Variants in SYTL3 observed in about 807,000 individuals in gnomAD.
The protein encoded by SYTL3 is synaptotagmin like 3.
In SYTL3, 88 loss-of-function variants were observed where a neutral mutation model predicts 82.1. The observed-to-expected ratio is 1.07, with a 90% CI of 0.90 to 1.28. The LOEUF (loss-of-function observed/expected upper bound fraction) is 1.28, where lower values mean the gene tolerates loss of function less well. SYTL3 is among the 50% of genes most tolerant of loss of function. The pLI, the probability that SYTL3 is intolerant of heterozygous loss-of-function variation, is 0.00. For missense variants in SYTL3, 831 were observed against 757.6 expected (o/e 1.10, Z -1.14); for synonymous variants, 311 against 289.4 (o/e 1.07, Z -0.76).
intron 15 of SYTL3, among the ~76,000 whole-genome samples, chr6:158,761,337 C>G (rs1261050547): frequency 2.2e-5 from 2 of 92,726 alleles, no homozygotes; most frequent in Non-Finnish European, 4.5e-5. Context: ...GAGTTTTGCT[C>G]TGTCACCCAG....
chr6:158,685,766 C>T (rs563403214), intron 6 of SYTL3, among the ~76,000 whole-genome samples: 102 of 152,176 alleles, frequency 6.7e-4, no homozygotes, highest in Middle Eastern at 6.8e-3. Flanking sequence ...TGCTGTGAGC[C>T]GAGATCATGC....
intron 6 of SYTL3, among the ~76,000 whole-genome samples, chr6:158,683,736 C>T (rs993714492): frequency 6.6e-6 from 1 of 152,200 alleles, no homozygotes. Context: ...GCCCATATTG[C>T]GCCAAAGCAC....
chr6:158,756,340 C>T (rs1583496168), intron 13 of SYTL3, among the ~76,000 whole-genome samples: 2 of 152,368 alleles, frequency 1.3e-5, no homozygotes, highest in Admixed American at 6.5e-5. Context: ...AGCACAGGCA[C>T]CGTCCCTCCA....
chr6:158,753,538 G>T (rs1006204420), intron 13 of SYTL3, among the ~76,000 whole-genome samples: 5 of 151,694 alleles, frequency 3.3e-5, no homozygotes, highest in African/African-American at 1.2e-4. Flanking sequence ...AGACCATCCT[G>T]GCTAACATGG....
intron 5 of SYTL3, among the ~76,000 whole-genome samples, chr6:158,670,335 T>C (rs1777224260): frequency 6.6e-6 from 1 of 152,260 alleles, no homozygotes; most frequent in Non-Finnish European, 1.5e-5. Flanking sequence ...CTGCTAACTC[T>C]GTAAAAGATT....
intron 6 of SYTL3, among the ~76,000 whole-genome samples, chr6:158,703,153 T>TAA (rs71297001): frequency 7.8e-4 from 74 of 94,882 alleles, no homozygotes; most frequent in African/African-American, 2.4e-3. Context: ...GACTCTGTCT[T>TAA]AAAAAAAAAA....
chr6:158,764,134 C>T (rs1432966043), intron 17 of SYTL3, among the ~76,000 whole-genome samples: 3 of 152,226 alleles, frequency 2.0e-5, no homozygotes, highest in African/African-American at 7.2e-5. Flanking sequence ...GAATCCCTTC[C>T]CATGGGCAAG....
chr6:158,650,749 C>A lies in SYTL3; in HGVS notation c.-727+671C>A, dbSNP rs768547919. Among the ~76,000 whole-genome samples the A allele has an allele frequency of 2.0e-3, 295 of 151,208 alleles. 1 individual carries two copies. Among genetic ancestry groups the A allele is most frequent in the Non-Finnish European group, 2.1e-3 (143 of 67,790 alleles). On this transcript the variant is annotated intron_variant, in intron 1 of 17. Transcript: ENST00000611299. ...CTTGAGATCAGGAATTTGAGACCAG[C>A]CTGGCCAACATGATGAAACCCCATC...
chr6:158,707,440 A>G (rs1359147214), intron 7 of SYTL3, among the ~76,000 whole-genome samples, 159 bp downstream of exon 7: 1 of 151,814 alleles, frequency 6.6e-6, no homozygotes, highest in Non-Finnish European at 1.5e-5. Flanking sequence ...CCTGAAAAAG[A>G]TTAAAGCAGA....
intron 11 of SYTL3, among the ~76,000 whole-genome samples, chr6:158,743,559 C>T (rs1234662615): frequency 6.9e-6 from 1 of 145,180 alleles, no homozygotes; most frequent in Admixed American, 6.9e-5. Flanking sequence ...ATCTTCACTT[C>T]TCATACCTCA....
At chr6:158,665,199 C>T (rs1272827442) in intron 4 of SYTL3, among the ~76,000 whole-genome samples, 196 bp from the exon 5 acceptor site, 9 of 152,146 alleles carry the variant, frequency 5.9e-5, no homozygotes, top group Admixed American at 3.9e-4. Flanking sequence ...ACCTGTTTCA[C>T]GGTTGAAAAA....
chr6:158,722,932 A>G (rs1462215804), intron 10 of SYTL3, among the ~76,000 whole-genome samples: 2 of 147,012 alleles, frequency 1.4e-5, no homozygotes, highest in Non-Finnish European at 3.0e-5. Context: ...CACCCAGCTA[A>G]TTTTTGTATT....
At position 158,665,622 on chromosome 6, in the gene SYTL3, G is replaced by A; in HGVS notation, c.329+9G>A. ...GTGTGCTTCGAGGACAGGTAAGCAT[G>A]GCCGGTGGTTGGATCCCTCCCACTG... On this transcript the variant is annotated intron_variant, in intron 5 of 17. Coordinates refer to ENST00000611299, the MANE Select transcript of SYTL3 (RefSeq NM_001242394.2). The A allele has an allele frequency of 6.5e-7, 1 of 1,538,244 alleles. No individual in the cohort carries two copies. Among genetic ancestry groups the A allele is most frequent in the African/African-American group, 1.4e-5 (1 of 73,622 alleles).
chr6:158,733,131 T>G (rs536780581), intron 11 of SYTL3, among the ~76,000 whole-genome samples: 213 of 152,310 alleles, frequency 1.4e-3, no homozygotes, highest in African/African-American at 4.9e-3. Flanking sequence ...AGCCCTATCC[T>G]ATGTAGCTGT....
chr6:158,725,219 C>G (rs1784557282), intron 10 of SYTL3, among the ~76,000 whole-genome samples: 1 of 152,208 alleles, frequency 6.6e-6, no homozygotes, highest in Non-Finnish European at 1.5e-5. Context: ...AAGACTTTTA[C>G]TAATCCACGA....
intron 6 of SYTL3, among the ~76,000 whole-genome samples, chr6:158,685,674 C>T (rs1779221654): frequency 6.6e-6 from 1 of 151,706 alleles, no homozygotes. Flanking sequence ...CAAAATTAGC[C>T]GGGCATGGTG....
At chr6:158,658,651 G>A (rs1050850621) in intron 2 of SYTL3, among the ~76,000 whole-genome samples, 6 of 152,136 alleles carry the variant, frequency 3.9e-5, no homozygotes, top group African/African-American at 9.7e-5. Flanking sequence ...TCGGCCAGGC[G>A]CGGTAGCTCA....
chr6:158,760,334 T>C (rs1479993173), intron 14 of SYTL3, among the ~76,000 whole-genome samples: 1 of 152,214 alleles, frequency 6.6e-6, no homozygotes, highest in Non-Finnish European at 1.5e-5. Context: ...AGGCTGTGTC[T>C]GGGTTTTCGT....
chr6:158,721,088 G>GA (rs1491493224), intron 10 of SYTL3, among the ~76,000 whole-genome samples: 1 of 152,172 alleles, frequency 6.6e-6, no homozygotes, highest in East Asian at 1.9e-4. Flanking sequence ...AGACAGTGGG[G>GA]AGAGAGCCAA....
Sources: allele counts gnomAD v4.1 joint callset (sites outside exome capture counted in the v4.1 genomes callset), GRCh38; gene constraint gnomAD v4.1.1; transcripts MANE v1.5; gene names NCBI Gene and HGNC (gene_info 2026-07-23, HGNC 2026-07-21).